Variants in NPSR1 observed in about 807,000 individuals in gnomAD.
The protein encoded by NPSR1 is neuropeptide S receptor.
A neutral mutation model predicts 46.9 loss-of-function variants in NPSR1; 48 were observed. The ratio of observed to expected loss-of-function variants is 1.02; its 90% CI spans 0.81 to 1.30. The LOEUF is 1.30. NPSR1 is among the 50% of genes most tolerant of loss of function. The probability of loss-of-function intolerance (pLI) is 0.00; values close to 1 mark genes in which losing one functional copy is unlikely to be tolerated. For missense variants in NPSR1, 450 were observed against 449.5 expected, an observed-to-expected ratio of 1.00 and a Z score of -0.01; for synonymous variants, 176 against 168.1, an observed-to-expected ratio of 1.05 and a Z score of -0.36.
intron 2 of NPSR1, among the ~76,000 whole-genome samples, chr7:34,774,045 T>C (rs75751691): frequency 0.021 from 3,174 of 152,286 alleles, 48 homozygotes; most frequent in Non-Finnish European, 0.034. Context: ...CAGAAACCTA[T>C]ACATATATTC....
At chr7:34,826,887 C>A (rs369297208) in intron 4 of NPSR1, among the ~76,000 whole-genome samples, 33 of 140,796 alleles carry the variant, frequency 2.3e-4, no homozygotes, top group East Asian at 4.2e-4. Context: ...ATGTTCCTAC[C>A]AAAAAAAAAA....
rs564149591 is a variant in NPSR1 at position 34,860,078 on chromosome 7, G to A, written c.1025+11415G>A. On this transcript the variant is annotated intron_variant, in intron 8 of 8. Transcript: ENST00000359791. ...TCCTCTTTCCACTAGAGATTTAAATGCATTTTTTTCACATAAAGATGGACT... is the reference window on the plus strand; with the variant it reads ...TCCTCTTTCCACTAGAGATTTAAATACATTTTTTTCACATAAAGATGGACT... Among the ~76,000 whole-genome samples, 270 of 137,934 alleles carry A rather than the reference G, an allele frequency of 2.0e-3. 2 individuals carry two copies. The highest frequency in any genetic ancestry group is 3.8e-3 in the Non-Finnish European group (232 of 60,852). 90.5% of individuals were successfully genotyped at this position (137,934 alleles called of 152,430 possible). A position where few individuals can be genotyped will look rare whatever the true frequency, so the allele number is the denominator to read the frequency against.
chr7:34,790,841 A>C (rs1787745102), intron 3 of NPSR1, among the ~76,000 whole-genome samples: 1 of 129,206 alleles, frequency 7.7e-6, no homozygotes, highest in Non-Finnish European at 1.6e-5. Flanking sequence ...GTTATGTTAT[A>C]TATATGTTAT....
intron 4 of NPSR1, among the ~76,000 whole-genome samples, chr7:34,822,179 G>A (rs955709817): frequency 2.0e-5 from 3 of 152,178 alleles, no homozygotes; most frequent in Admixed American, 6.5e-5. Flanking sequence ...CGACACGAGA[G>A]GTTCCAGGAA....
intron 4 of NPSR1, among the ~76,000 whole-genome samples, chr7:34,813,769 C>G (rs1213441484): frequency 6.6e-6 from 1 of 152,162 alleles, no homozygotes; most frequent in Non-Finnish European, 1.5e-5. Context: ...GTGGTGTGAC[C>G]ACCACAGGAA....
intron 3 of NPSR1, among the ~76,000 whole-genome samples, chr7:34,781,956 G>A (rs560203200): frequency 6.6e-6 from 1 of 152,248 alleles, no homozygotes; most frequent in Admixed American, 6.5e-5. Context: ...TTATAATTCT[G>A]TGCATACCTG....
At chr7:34,679,541 G>A (rs551919559) in intron 1 of NPSR1, among the ~76,000 whole-genome samples, 11 of 152,138 alleles carry the variant, frequency 7.2e-5, no homozygotes, top group Middle Eastern at 3.4e-3. Context: ...GACTTTAAGC[G>A]AAACTACATA....
At chr7:34,847,278 T>C (rs757603291) in intron 7 of NPSR1, among the ~76,000 whole-genome samples, 3 of 152,020 alleles carry the variant, frequency 2.0e-5, no homozygotes, top group Non-Finnish European at 4.4e-5. Context: ...AAAAATTCTA[T>C]GGATGAGAAA....
intron 1 of NPSR1, among the ~76,000 whole-genome samples, chr7:34,676,761 A>G (rs1257328040): frequency 2.6e-5 from 4 of 152,162 alleles, no homozygotes; most frequent in African/African-American, 9.7e-5. Flanking sequence ...AAACAGATAA[A>G]TCAACATGGC....
At chr7:34,797,750 A>C (rs2128746300) in intron 3 of NPSR1, among the ~76,000 whole-genome samples, 1 of 152,304 alleles carries the variant, frequency 6.6e-6, no homozygotes, top group Middle Eastern at 3.4e-3. Flanking sequence ...ACTGCAGAAA[A>C]CCAAAGACAA....
At chr7:34,717,521 A>G (rs184392537) in intron 2 of NPSR1, among the ~76,000 whole-genome samples, 13 of 152,324 alleles carry the variant, frequency 8.5e-5, no homozygotes, top group Admixed American at 8.5e-4. Flanking sequence ...GAAATGTAAG[A>G]TGGTGGAAGA....
chr7:34,844,791 A>T, intron 6 of NPSR1, 105 bp from the exon 7 acceptor site: 1 of 791,978 alleles, frequency 1.3e-6, no homozygotes, highest in East Asian at 2.5e-5. Flanking sequence ...AATGCACAGG[A>T]TATAAGTGAA....
Position 34,874,188 on chromosome 7 carries a change from G to C in NPSR1, c.1026-3888G>C, listed in dbSNP as rs188543506. 2.4e-4 allele frequency among the ~76,000 whole-genome samples: 37 copies of C among 152,210 alleles called. No individual in the cohort carries two copies. In the East Asian group the frequency reaches 6.6e-3, roughly 27 times the overall value. On this transcript the variant is annotated intron_variant, in intron 8 of 8. Transcript: ENST00000359791. ...ACCCAGTCAGCTAAGGGGAGCCTTG[G>C]CATGCTGGCCACCACCAGCCCAGTG...
intron 2 of NPSR1, chr7:34,750,762 G>A (rs1785477018): frequency 5.8e-6 from 4 of 693,490 alleles, no homozygotes; most frequent in South Asian, 4.2e-5. Context: ...AGGGGCAGCT[G>A]TGACACACAG....
Position 34,778,556 on chromosome 7 carries a change from C to A in NPSR1, c.375C>A (p.Arg125=), listed in dbSNP as rs758034025. Reference sequence around the variant, plus strand: ...CTGACCTGGTTTGCCGAGTGGTCCGCTATTTGCAGGTATGTCACACCTTCC... The same window carrying A: ...CTGACCTGGTTTGCCGAGTGGTCCGATATTTGCAGGTATGTCACACCTTCC... ...TAPDLVCRVV[R]YLQVVLLYAS... The change falls in exon 3 of 9, where the codon CGC becomes CGA. Residue 125 remains arginine (R), a synonymous_variant. Transcript: ENST00000360581. The A allele has an allele frequency of 2.5e-6, 4 of 1,606,886 alleles. No individual in the cohort carries two copies. Among genetic ancestry groups the A allele is most frequent in the Non-Finnish European group, 3.4e-6 (4 of 1,173,942 alleles).
Position 34,813,122 on chromosome 7 carries a change from G to A in NPSR1, c.478+1259G>A, listed in dbSNP as rs545080151. On this transcript the variant is annotated intron_variant, in intron 4 of 8. Transcript: ENST00000360581. ...CCCACACGTGTGCATGTATACATAT[G>A]TGATGTATATTGTGGCACTGCCTAC... 2.6e-5 allele frequency among the ~76,000 whole-genome samples: 4 copies of A among 152,190 alleles called. No individual in the cohort carries two copies. The South Asian group carries it at 8.3e-4, about 32-fold the overall frequency.
rs559520136 is a variant in NPSR1 at position 34,740,481 on chromosome 7, C to T, written c.281-37981C>T. On this transcript the variant is annotated intron_variant, in intron 2 of 8. Coordinates refer to ENST00000360581, the MANE Select transcript of NPSR1 (RefSeq NM_207172.2). ...GCTGGAGGTTTCCTTCTCCTTGTAG[C>T]CTTTTCCCAGTGCCTCTGGCAGCAC... Among the ~76,000 whole-genome samples the T allele has an allele frequency of 2.0e-5, 3 of 152,020 alleles. 1 individual carries two copies. Among genetic ancestry groups the T allele is most frequent in the African/African-American group, 7.2e-5 (3 of 41,464 alleles).
At chr7:34,705,454 A>G (rs1794057343) in intron 2 of NPSR1, among the ~76,000 whole-genome samples, 1 of 146,958 alleles carries the variant, frequency 6.8e-6, no homozygotes, top group Non-Finnish European at 1.5e-5. Context: ...AAAAAAAAAG[A>G]GAGAAAAGAA....
chr7:34,680,624 C>A (rs984868355), intron 1 of NPSR1, among the ~76,000 whole-genome samples: 3 of 152,126 alleles, frequency 2.0e-5, no homozygotes, highest in Non-Finnish European at 4.4e-5. Context: ...AACTGTCTAT[C>A]AAATACATGA....
Sources: gnomAD v4.1 joint callset for allele counts (sites outside exome capture counted in the v4.1 genomes callset) on GRCh38, gnomAD v4.1.1 for gene constraint, MANE v1.5 for transcripts, NCBI Gene and HGNC (gene_info 2026-07-23, HGNC 2026-07-21) for gene names.